Variants in RAB3IP observed in about 807,000 individuals in gnomAD.
RAB3IP encodes rab-3A-interacting protein.
RAB3IP carries 36 observed loss-of-function variants against 59.1 expected under a neutral mutation model. That is an observed-to-expected ratio of 0.61 (90% confidence interval 0.47 to 0.80). The LOEUF (loss-of-function observed/expected upper bound fraction) is 0.80, where lower values mean the gene tolerates loss of function less well. Ranked by LOEUF, RAB3IP falls within the 30% of genes least tolerant of loss-of-function variation. The pLI is 0.00. For synonymous variants in RAB3IP, 207 were observed against 191.2 expected (o/e 1.08, Z -0.68); for missense variants, 511 against 536.0 (o/e 0.95, Z 0.46).
intron 1 of RAB3IP, among the ~76,000 whole-genome samples, chr12:69,740,733 C>A (rs765947755): frequency 9.2e-5 from 14 of 152,186 alleles, no homozygotes; most frequent in Admixed American, 1.3e-4. Flanking sequence ...AACTCTCATC[C>A]TCCCCCAACA....
chr12:69,762,004 A>G (rs1871384080), intron 3 of RAB3IP, among the ~76,000 whole-genome samples: 1 of 152,200 alleles, frequency 6.6e-6, no homozygotes, highest in Non-Finnish European at 1.5e-5. Context: ...GCTTCTTCTA[A>G]AAAACCTTGG....
chr12:69,782,965 T>G (rs188098152), intron 3 of RAB3IP, among the ~76,000 whole-genome samples: 41 of 152,312 alleles, frequency 2.7e-4, no homozygotes, highest in African/African-American at 9.6e-4. Context: ...AGCTCACATT[T>G]TTTTCTTTGA....
intron 1 of RAB3IP, among the ~76,000 whole-genome samples, chr12:69,742,137 TGA>T (rs2136092597): frequency 6.6e-6 from 1 of 152,302 alleles, no homozygotes; most frequent in South Asian, 2.1e-4. Context: ...CTAGGATAGT[TGA>T]GTAGTGGAGA....
intron 4 of RAB3IP, among the ~76,000 whole-genome samples, chr12:69,785,531 A>T (rs1228829793): frequency 1.3e-5 from 2 of 152,174 alleles, no homozygotes; most frequent in Non-Finnish European, 2.9e-5. Context: ...TTCCAGTCCA[A>T]CTTTGAAGGT....
At chr12:69,784,582 A>G (rs1358359625) in intron 3 of RAB3IP, 138 bp from the exon 4 acceptor site, 7 of 366,152 alleles carry the variant, frequency 1.9e-5, no homozygotes, top group Non-Finnish European at 2.9e-5. Flanking sequence ...AGCAGGTGCT[A>G]GATAAATACT....
intron 4 of RAB3IP, among the ~76,000 whole-genome samples, chr12:69,790,708 C>T (rs1461959541): frequency 1.3e-5 from 2 of 152,114 alleles, no homozygotes; most frequent in Admixed American, 1.3e-4. Context: ...CCTCAGCCTC[C>T]TGAGTAGCTG....
In RAB3IP at chr12:69,740,773, T is replaced by C. The variant is rs574379044; in HGVS notation, c.-26+1742T>C. Reference sequence around the variant, plus strand: ...CATCCTCTACAAATAATTTTTAAAATGGAAAGGTTCTTAGAAATGTTTCAC... The same window carrying C: ...CATCCTCTACAAATAATTTTTAAAACGGAAAGGTTCTTAGAAATGTTTCAC... On this transcript the variant is annotated intron_variant, in intron 1 of 10. Coordinates refer to ENST00000247833, the MANE Select transcript of RAB3IP (RefSeq NM_022456.5). Among the ~76,000 whole-genome samples, 17 of 152,368 alleles carry C rather than the reference T, an allele frequency of 1.1e-4. 1 individual carries two copies. The South Asian group carries it at 3.5e-3, about 32-fold the overall frequency.
At chr12:69,805,060 G>C (rs1879031236) in intron 8 of RAB3IP, among the ~76,000 whole-genome samples, 1 of 152,170 alleles carries the variant, frequency 6.6e-6, no homozygotes, top group Non-Finnish European at 1.5e-5. Flanking sequence ...GATGGGGATG[G>C]CATTGAATCT....
intron 4 of RAB3IP, among the ~76,000 whole-genome samples, chr12:69,789,058 G>T (rs1876187916): frequency 2.0e-5 from 3 of 151,886 alleles, no homozygotes; most frequent in Admixed American, 2.0e-4. Flanking sequence ...TACTAAGAGG[G>T]ATAAAGGCCT....
In RAB3IP at chr12:69,755,623, C is replaced by T. The variant is rs1870078607; in HGVS notation, c.215C>T (p.Pro72Leu). The T allele has an allele frequency of 2.4e-5, 39 of 1,613,744 alleles. No homozygotes were observed. The highest frequency in any genetic ancestry group is 3.3e-5 in the Non-Finnish European group (39 of 1,179,840). The change falls in exon 2 of 11, where the codon CCC (proline) becomes CTC (leucine). Residue 72 changes from proline to leucine, a missense_variant. Pro to Leu is a moderately conservative substitution (Grantham distance 98). Transcript: ENST00000247833. ...CCTACACAACCCGTGTATTCATCCC[C>T]CAGACGTTTAAATTGTGCGGAAATA... is the stretch of plus-strand genomic sequence containing the variant. Reference protein sequence around the residue: ...ELPTQPVYSSPRRLNCAEISS... With the variant: ...ELPTQPVYSSLRRLNCAEISS...
At chr12:69,783,960 C>T (rs1875193651) in intron 3 of RAB3IP, among the ~76,000 whole-genome samples, 1 of 152,150 alleles carries the variant, frequency 6.6e-6, no homozygotes, top group African/African-American at 2.4e-5. Context: ...ACTGCCACCA[C>T]AATTATAACA....
chr12:69,813,077 G>A (rs1880678712), intron 10 of RAB3IP, 44 bp downstream of exon 10: 1 of 1,426,350 alleles, frequency 7.0e-7, no homozygotes, highest in Admixed American at 2.0e-5. Flanking sequence ...TAAAAGTTCA[G>A]CAAAAAGTAT....
intron 3 of RAB3IP, among the ~76,000 whole-genome samples, chr12:69,765,319 C>A (rs577309649): frequency 4.3e-4 from 66 of 152,080 alleles, no homozygotes; most frequent in Non-Finnish European, 7.9e-4. Context: ...TTCTTTGATG[C>A]CTAATTTCTT....
chr12:69,795,019 C>A, intron 5 of RAB3IP, 122 bp from the exon 6 acceptor site: 1 of 738,882 alleles, frequency 1.4e-6, no homozygotes, highest in Non-Finnish European at 2.2e-6. Context: ...TATTACTCCA[C>A]AGGAAATACA....
chr12:69,745,049 A>G (rs1240888923), intron 1 of RAB3IP, among the ~76,000 whole-genome samples: 4 of 152,224 alleles, frequency 2.6e-5, no homozygotes, highest in African/African-American at 9.6e-5. Flanking sequence ...AGAGTTTCAA[A>G]TAAGGTAAGT....
At chr12:69,810,535 T>C (rs1880275708) in intron 8 of RAB3IP, among the ~76,000 whole-genome samples, 2 of 152,130 alleles carry the variant, frequency 1.3e-5, no homozygotes, top group Admixed American at 6.5e-5. Flanking sequence ...AAATAAAAAC[T>C]GGTTTAGGTT....
At chr12:69,796,626 T>C (rs1482174921) in intron 6 of RAB3IP, 3 of 631,268 alleles carry the variant, frequency 4.8e-6, no homozygotes, top group Non-Finnish European at 5.7e-6. Context: ...TGACGAATTA[T>C]CAATAAAAAT....
intron 8 of RAB3IP, among the ~76,000 whole-genome samples, chr12:69,803,743 C>A (rs914181984): frequency 6.6e-6 from 1 of 151,836 alleles, no homozygotes; most frequent in African/African-American, 2.4e-5. Context: ...TGAGAATGTG[C>A]GGTGTTTGGT....
At chr12:69,779,486 A>G (rs538155102) in intron 3 of RAB3IP, among the ~76,000 whole-genome samples, 2 of 148,736 alleles carry the variant, frequency 1.3e-5, no homozygotes, top group Non-Finnish European at 3.0e-5. Context: ...TTACTCGAAC[A>G]TTTTCTCTTT....
Sources: allele counts gnomAD v4.1 joint callset (sites outside exome capture counted in the v4.1 genomes callset), GRCh38; gene constraint gnomAD v4.1.1; transcripts MANE v1.5; gene names NCBI Gene and HGNC (gene_info 2026-07-23, HGNC 2026-07-21).